The following TBK1 variants were observed in gnomAD, a reference collection of about 807,000 sequenced individuals.
The protein encoded by TBK1 is serine/threonine-protein kinase TBK1.
In TBK1, 37 loss-of-function variants were observed where a neutral mutation model predicts 99.9. The ratio of observed to expected loss-of-function variants is 0.37; its 90% CI spans 0.28 to 0.49. TBK1 has a LOEUF of 0.49. TBK1 is among the 20% of genes least tolerant of loss of function. The probability of loss-of-function intolerance (pLI) is 0.98; values close to 1 mark genes in which losing one functional copy is unlikely to be tolerated. For synonymous variants in TBK1, 258 were observed against 279.8 expected (o/e 0.92, Z 0.78); for missense variants, 644 against 872.5 (o/e 0.74, Z 3.30).
chr12:64,464,590 C>A, intron 4 of TBK1, 127 bp downstream of exon 4: 1 of 669,494 alleles, frequency 1.5e-6, no homozygotes, highest in Non-Finnish European at 2.2e-6. Flanking sequence ...ACCAAAAGCA[C>A]AAATACCAGA....
At position 64,476,755 on chromosome 12, in the gene TBK1, A is replaced by G. The variant is rs371906986; in HGVS notation, c.701+2365A>G. Among the ~76,000 whole-genome samples the G allele has an allele frequency of 9.9e-5, 15 of 152,242 alleles. No homozygotes were observed. The South Asian group carries it at 2.9e-3, about 30-fold the overall frequency. On this transcript the variant is annotated intron_variant, in intron 6 of 20. Transcript: ENST00000331710. ...CTGAATTATTTGCCTAAGACAATGT[A>G]TAGAAGAGTATGTCCTATATTTTCT...
Position 64,497,718 on chromosome 12 carries a change from A to G in TBK1, c.2030A>G (p.Tyr677Cys). 1 of 1,606,238 alleles carries G rather than the reference A, an allele frequency of 6.2e-7. No individual in the cohort carries two copies. Residue 677 changes from tyrosine to cysteine, a missense_variant, in exon 19 of 21, where the codon TAT becomes TGT. Around this residue, in one of 3 missense-constraint regions of TBK1, gnomAD observed 465 missense variants for 588.0 expected, o/e 0.79. Coordinates refer to ENST00000331710, the MANE Select transcript of TBK1 (RefSeq NM_013254.4). ...ATCAAACATACCATGACCCCAATTT[A>G]TCCAAGTTCTAACACATTAGTAGAA... The part of the protein sequence containing the change: ...SGIKHTMTPI[Y>C]PSSNTLVEMT...
chr12:64,497,148 C>A lies in TBK1; in HGVS notation c.1863-15C>A, dbSNP rs1227843352. 2 of 1,585,904 alleles carry A rather than the reference C, an allele frequency of 1.3e-6. No individual in the cohort carries two copies. Among genetic ancestry groups the A allele is most frequent in the East Asian group, 2.3e-5 (1 of 44,188 alleles). On this transcript the variant is annotated splice_polypyrimidine_tract_variant and intron_variant, in intron 17 of 20. Transcript: ENST00000331710. ...TCACTAGACTGCATATCAATTGATT[C>A]TTTTTGGTTTTCAGAAAGATGCTTC... is the stretch of plus-strand genomic sequence containing the variant.
At chr12:64,456,175 CAG>C (rs2136053009) in intron 2 of TBK1, among the ~76,000 whole-genome samples, 1 of 152,290 alleles carries the variant, frequency 6.6e-6, no homozygotes, top group Admixed American at 6.5e-5. Flanking sequence ...TGGAGGAAAA[CAG>C]ATTGGTTGAA....
intron 12 of TBK1, 85 bp from the exon 13 acceptor site, chr12:64,489,956 G>A (rs750071108): frequency 2.4e-6 from 2 of 824,884 alleles, no homozygotes; most frequent in Non-Finnish European, 3.6e-6. Context: ...TATGATGAAA[G>A]CTGAAATTAT....
At position 64,484,297 on chromosome 12, in the gene TBK1, A is replaced by G. The variant is rs1401798415; in HGVS notation, c.993-6A>G. 3.2e-6 allele frequency: 5 copies of G among 1,582,078 alleles called. No individual in the cohort carries two copies. In the African/African-American group the frequency reaches 4.1e-5, roughly 13 times the overall value. On this transcript the variant is annotated splice_polypyrimidine_tract_variant and splice_region_variant and intron_variant, in intron 8 of 20. Coordinates refer to ENST00000331710, the MANE Select transcript of TBK1 (RefSeq NM_013254.4). ...TATAGTGTCCTTTTGAATTTTTCTC[A>G]CACAGTGCTACTATATTTCATGAAC...
intron 11 of TBK1, 142 bp downstream of exon 11, chr12:64,486,159 T>C: frequency 1.9e-6 from 1 of 524,882 alleles, no homozygotes; most frequent in Non-Finnish European, 3.3e-6. Flanking sequence ...TATAAAACAT[T>C]TAGCAGCTCA....
Position 64,490,022 on chromosome 12 carries a change from C to A in TBK1, c.1443-19C>A. 6.4e-7 allele frequency: 1 copy of A among 1,562,052 alleles called. No individual in the cohort carries two copies. The highest frequency in any genetic ancestry group is 1.2e-5 in the South Asian group (1 of 85,906). On this transcript the variant is annotated intron_variant, in intron 12 of 20. Coordinates refer to ENST00000331710, the MANE Select transcript of TBK1 (RefSeq NM_013254.4). ...ATTGATTATACTCATTTAATTTTCT[C>A]TTTTGACTTTTCATACAGATATGAA...
At chr12:64,500,828 G>T (rs1346319162) in intron 20 of TBK1, among the ~76,000 whole-genome samples, 1 of 141,674 alleles carries the variant, frequency 7.1e-6, no homozygotes, top group Non-Finnish European at 1.5e-5. Flanking sequence ...GCATGATCTC[G>T]GCTCACTGCA....
At position 64,466,969 on chromosome 12, in the gene TBK1, C is replaced by T. The variant is rs1027249002; in HGVS notation, c.427C>T (p.Arg143Cys). The part of the protein sequence containing the change: ...HRDIKPGNIM[R>C]VIGEDGQSVY... ...TGATATCAAGCCAGGAAATATCATG[C>T]GTGTTATAGGGGAAGATGGACAGTC... Residue 143 changes from arginine to cysteine, a missense_variant, in exon 5 of 21, where the codon CGT becomes TGT. This residue lies in a region of TBK1 where 148 missense variants were observed against 202.1 expected (regional missense o/e 0.73). Transcript: ENST00000331710. 1.2e-6 allele frequency: 2 copies of T among 1,612,266 alleles called. No individual in the cohort carries two copies. The highest frequency in any genetic ancestry group is 1.7e-6 in the Non-Finnish European group (2 of 1,179,126).
Position 64,485,449 on chromosome 12 carries a change from T to A in TBK1, c.1190-6T>A. 1 of 1,494,188 alleles carries A rather than the reference T, an allele frequency of 6.7e-7. No individual in the cohort carries two copies. 92.6% of individuals were successfully genotyped at this position (1,494,188 alleles called of 1,614,324 possible). A position where few individuals can be genotyped will look rare whatever the true frequency, so the allele number is the denominator to read the frequency against. ...CTTTCTCATTTTATTTTACTTCATA[T>A]TTCAGTTTCCCTCCCTAAAGTACAT... On this transcript the variant is annotated splice_region_variant and splice_polypyrimidine_tract_variant and intron_variant, in intron 9 of 20. Transcript: ENST00000331710.
chr12:64,476,532 T>C (rs12423601), intron 6 of TBK1, among the ~76,000 whole-genome samples: 1 of 152,194 alleles, frequency 6.6e-6, no homozygotes, highest in Non-Finnish European at 1.5e-5. Context: ...TTTTTTCTTG[T>C]TGATTCGTTT....
chr12:64,484,037 AC>A, intron 8 of TBK1: 1 of 225,880 alleles, frequency 4.4e-6, no homozygotes, highest in Non-Finnish European at 8.8e-6. Context: ...ACACACACAC[AC>A]ACACACACAC....
intron 12 of TBK1, 36 bp from the exon 13 acceptor site, chr12:64,490,005 T>TA: frequency 7.6e-7 from 1 of 1,310,952 alleles, no homozygotes; most frequent in Non-Finnish European, 1.1e-6. Context: ...GTATTGATTA[T>TA]ACTCATTTAA....
intron 11 of TBK1, among the ~76,000 whole-genome samples, chr12:64,486,593 C>T (rs753512365): frequency 3.8e-4 from 57 of 150,870 alleles, no homozygotes; most frequent in Non-Finnish European, 7.7e-4. Flanking sequence ...CCCCACCACA[C>T]CCAGCTAATT....
intron 3 of TBK1, among the ~76,000 whole-genome samples, chr12:64,461,210 G>A (rs1396634108): frequency 2.7e-5 from 4 of 150,264 alleles, no homozygotes; most frequent in South Asian, 2.2e-4. Flanking sequence ...AGAAAAAATC[G>A]AACTTTAAAA....
intron 16 of TBK1, 94 bp from the exon 17 acceptor site, chr12:64,496,855 A>T: frequency 1.3e-6 from 1 of 792,726 alleles, no homozygotes; most frequent in Non-Finnish European, 2.0e-6. Flanking sequence ...CAATCATTAT[A>T]GGAAAGATAC....
Position 64,495,689 on chromosome 12 carries a change from C to T in TBK1, c.1644-10C>T, listed in dbSNP as rs926345096. On this transcript the variant is annotated splice_polypyrimidine_tract_variant and intron_variant, in intron 14 of 20. Coordinates refer to ENST00000331710, the MANE Select transcript of TBK1 (RefSeq NM_013254.4). ...CAGTTAATTTATTTGAGTTTTTCTT[C>T]CTTAAATAGTGTAGAAAAACTACAA... 3.1e-6 allele frequency: 5 copies of T among 1,611,440 alleles called. No homozygotes were observed. In the Admixed American group the frequency reaches 6.7e-5, roughly 22 times the overall value.
intron 4 of TBK1, among the ~76,000 whole-genome samples, chr12:64,464,796 A>G (rs1374984361): frequency 6.6e-6 from 1 of 152,196 alleles, no homozygotes; most frequent in South Asian, 2.1e-4. Context: ...TCGCATAGAC[A>G]TTTCTCCAAA....
Sources: allele counts gnomAD v4.1 joint callset (sites outside exome capture counted in the v4.1 genomes callset), GRCh38; gene constraint gnomAD v4.1.1; regional missense constraint gnomAD v4.1.1; transcripts MANE v1.5; gene names NCBI Gene and HGNC (gene_info 2026-07-23, HGNC 2026-07-21).